FRS2: variants seen among roughly 807,000 people sequenced by gnomAD.
FRS2 encodes FGFR signalling adaptor.
Under a neutral mutation model 43.9 loss-of-function variants are expected in FRS2, and 8 were observed. That is an observed-to-expected ratio of 0.18 (90% CI 0.11 to 0.33). The LOEUF is 0.33. Among genes scored for constraint, FRS2 ranks in the 10% least tolerant of loss-of-function variants. FRS2 has a pLI of 1.00. For synonymous variants in FRS2, 219 were observed against 220.3 expected (o/e 0.99, Z 0.05); for missense variants, 534 against 627.6 (o/e 0.85, Z 1.59).
intron 1 of FRS2, among the ~76,000 whole-genome samples, chr12:69,506,476 GT>G (rs1033845158): frequency 4.0e-5 from 6 of 151,510 alleles, no homozygotes; most frequent in Middle Eastern, 3.4e-3. Context: ...TATGTATTCT[GT>G]TTTTTTTCTT....
At chr12:69,534,942 A>G (rs1443400820) in intron 3 of FRS2, among the ~76,000 whole-genome samples, 3 of 152,162 alleles carry the variant, frequency 2.0e-5, no homozygotes, top group Non-Finnish European at 4.4e-5. Context: ...ATCTTGGAAT[A>G]AATGTCATCT....
chr12:69,527,200 G>A (rs1876329727), intron 1 of FRS2, among the ~76,000 whole-genome samples: 1 of 151,958 alleles, frequency 6.6e-6, no homozygotes, highest in African/African-American at 2.4e-5. Context: ...ACCTAAGCAT[G>A]GCACATTCTT....
At position 69,494,790 on chromosome 12, in the gene FRS2, C is replaced by T. The variant is rs796233405; in HGVS notation, c.-261+24260C>T. ...CTAGATTTTTGTTTTGTTTTGTTTT[C>T]GAGATGGAGTTTTGCTCTTGTTGCC... On this transcript the variant is annotated intron_variant, in intron 1 of 8. Transcript: ENST00000549921. Among the ~76,000 whole-genome samples, 8 of 151,782 alleles carry T rather than the reference C, an allele frequency of 5.3e-5. No homozygotes were observed. The East Asian group carries it at 5.8e-4, about 11-fold the overall frequency.
At chr12:69,488,827 G>A (rs1412580642) in intron 1 of FRS2, among the ~76,000 whole-genome samples, 1 of 152,128 alleles carries the variant, frequency 6.6e-6, no homozygotes, top group Non-Finnish European at 1.5e-5. Flanking sequence ...GCATAAACTG[G>A]TTTGGGAATG....
At chr12:69,527,198 A>G (rs971933430) in intron 1 of FRS2, among the ~76,000 whole-genome samples, 2 of 152,134 alleles carry the variant, frequency 1.3e-5, no homozygotes, top group Non-Finnish European at 1.5e-5. Flanking sequence ...AGACCTAAGC[A>G]TGGCACATTC....
chr12:69,518,671 G>C (rs548764106), intron 1 of FRS2, among the ~76,000 whole-genome samples: 1 of 150,304 alleles, frequency 6.7e-6, no homozygotes, highest in Admixed American at 6.7e-5. Flanking sequence ...CAGAGATGGC[G>C]CCACTGCACT....
At chr12:69,471,215 A>C (rs1221062185) in intron 1 of FRS2, among the ~76,000 whole-genome samples, 1 of 152,096 alleles carries the variant, frequency 6.6e-6, no homozygotes, top group Non-Finnish European at 1.5e-5. Context: ...TTGCTTAAGG[A>C]AAATCAGTAG....
At chr12:69,521,497 G>C (rs1214497917) in intron 1 of FRS2, among the ~76,000 whole-genome samples, 1 of 152,170 alleles carries the variant, frequency 6.6e-6, no homozygotes, top group Non-Finnish European at 1.5e-5. Context: ...TAAGGGGAAT[G>C]CTTCCAGCTT....
At chr12:69,498,852 AG>A (rs2121061223) in intron 1 of FRS2, among the ~76,000 whole-genome samples, 1 of 152,296 alleles carries the variant, frequency 6.6e-6, no homozygotes, top group South Asian at 2.1e-4. Context: ...GATTGTGTGT[AG>A]GATTATAAAG....
chr12:69,481,290 T>A (rs1210791355), intron 1 of FRS2, among the ~76,000 whole-genome samples: 1 of 151,986 alleles, frequency 6.6e-6, no homozygotes, highest in Non-Finnish European at 1.5e-5. Flanking sequence ...AATTTTTTTT[T>A]TTTTTTTTGA....
intron 1 of FRS2, among the ~76,000 whole-genome samples, chr12:69,497,345 AT>A (rs1873000417): frequency 6.6e-6 from 1 of 152,120 alleles, no homozygotes; most frequent in Non-Finnish European, 1.5e-5. Flanking sequence ...TACATAACAG[AT>A]TTCTTTCTCA....
At position 69,498,526 on chromosome 12, in the gene FRS2, T is replaced by TGTGTGTGC. The variant is rs1188552061; in HGVS notation, c.-261+28003_-261+28004insCGTGTGTG. Among the ~76,000 whole-genome samples the TGTGTGTGC allele has an allele frequency of 1.4e-4, 21 of 151,640 alleles. No homozygotes were observed. In the East Asian group the frequency reaches 1.9e-3, roughly 14 times the overall value. On this transcript the variant is annotated intron_variant, in intron 1 of 8. Coordinates refer to ENST00000549921, the MANE Select transcript of FRS2 (RefSeq NM_001278356.2). ...TTAAACCATTATGAGGGTTTGTGTG[T>TGTGTGTGC]GTGTGTGTGTGTGTGTGTGTGTGTG...
intron 3 of FRS2, among the ~76,000 whole-genome samples, chr12:69,548,790 G>A (rs1878629563): frequency 1.3e-5 from 2 of 152,168 alleles, no homozygotes; most frequent in African/African-American, 2.4e-5. Context: ...TGTCCAAAAG[G>A]GGACAGAGAG....
Position 69,579,654 on chromosome 12 carries a change from C to CT in FRS2, c.*4700dup, listed in dbSNP as rs1881425896. On this transcript the variant is annotated 3_prime_UTR_variant, in exon 9 of 9. Transcript: ENST00000549921. ...TACTGGAAGCTGAGCTGATCATACA[C>CT]TGACCTGAAGCATTCATGAAAAGCT... is the stretch of plus-strand genomic sequence containing the variant. The CT allele has an allele frequency of 6.6e-6, 1 of 152,204 alleles. No individual in the cohort carries two copies. The highest frequency in any genetic ancestry group is 6.5e-5 in the Admixed American group (1 of 15,280). 9.4% of individuals were successfully genotyped at this position (152,204 alleles called of 1,614,324 possible).
intron 1 of FRS2, among the ~76,000 whole-genome samples, chr12:69,493,336 T>C (rs1389051913): frequency 6.6e-6 from 1 of 152,214 alleles, no homozygotes; most frequent in Non-Finnish European, 1.5e-5. Flanking sequence ...TGTCAGGGAT[T>C]TGATAAGCTC....
chr12:69,527,013 G>A (rs951348489), intron 1 of FRS2, among the ~76,000 whole-genome samples: 3 of 152,152 alleles, frequency 2.0e-5, no homozygotes, highest in Non-Finnish European at 2.9e-5. Flanking sequence ...CTGAGCCACC[G>A]CGTCCAGCCA....
intron 3 of FRS2, chr12:69,538,047 A>C (rs1461918069): frequency 6.6e-6 from 1 of 152,488 alleles, no homozygotes; most frequent in Non-Finnish European, 1.5e-5. Flanking sequence ...TATGGAAGGC[A>C]GTCTTGATCT....
At chr12:69,535,164 C>T (rs1261920101) in intron 3 of FRS2, among the ~76,000 whole-genome samples, 1 of 152,032 alleles carries the variant, frequency 6.6e-6, no homozygotes, top group Non-Finnish European at 1.5e-5. Context: ...GCGTATCTGA[C>T]AAATAAGTAG....
intron 3 of FRS2, among the ~76,000 whole-genome samples, chr12:69,541,662 T>C (rs1256906183): frequency 6.6e-6 from 1 of 151,654 alleles, no homozygotes; most frequent in East Asian, 1.9e-4. Flanking sequence ...CCTTCACTAT[T>C]AAAAATACAA....
Sources: allele counts gnomAD v4.1 joint callset (sites outside exome capture counted in the v4.1 genomes callset), GRCh38; gene constraint gnomAD v4.1.1; transcripts MANE v1.5; gene names NCBI Gene and HGNC (gene_info 2026-07-23, HGNC 2026-07-21).